CFAP61: variants seen among roughly 807,000 people sequenced by gnomAD.
CFAP61 encodes cilia and flagella associated protein 61, also known as cilia- and flagella-associated protein 61.
Under a neutral mutation model 135.6 loss-of-function variants are expected in CFAP61, and 107 were observed. The ratio of observed to expected loss-of-function variants is 0.79; its 90% CI spans 0.67 to 0.93. The LOEUF (loss-of-function observed/expected upper bound fraction) is 0.93, where lower values mean the gene tolerates loss of function less well. Among genes scored for constraint, CFAP61 ranks in the 40% least tolerant of loss-of-function variants. CFAP61 has a pLI of 0.00. For synonymous variants in CFAP61, 575 were observed against 578.5 expected (o/e 0.99, Z 0.09); for missense variants, 1,507 against 1,556.2 (o/e 0.97, Z 0.53).
chr20:20,063,133 T>C (rs908565100), intron 2 of CFAP61, among the ~76,000 whole-genome samples: 11 of 152,234 alleles, frequency 7.2e-5, no homozygotes, highest in Non-Finnish European at 2.9e-5. Flanking sequence ...ACAAGTGCCT[T>C]TATAAGCAGT....
intron 13 of CFAP61, chr20:20,172,069 T>C (rs1481509665): frequency 4.5e-6 from 2 of 443,932 alleles, no homozygotes; most frequent in Non-Finnish European, 6.9e-6. Context: ...GATATGTTGC[T>C]GGTAGGTTGG....
intron 22 of CFAP61, among the ~76,000 whole-genome samples, chr20:20,287,455 G>A (rs1395145723): frequency 2.6e-5 from 4 of 152,276 alleles, no homozygotes; most frequent in Admixed American, 2.0e-4. Flanking sequence ...CTGAGGAACC[G>A]AATTTTTCAT....
At chr20:20,225,299 T>A (rs2048662565) in intron 17 of CFAP61, 1 of 152,310 alleles carries the variant, frequency 6.6e-6, no homozygotes, top group African/African-American at 2.4e-5. Flanking sequence ...GTCAGAAGAC[T>A]TCATCATACC....
intron 25 of CFAP61, among the ~76,000 whole-genome samples, chr20:20,305,423 T>C (rs2056411984): frequency 6.6e-6 from 1 of 152,258 alleles, no homozygotes; most frequent in South Asian, 2.1e-4. Context: ...AGCCTTTTGC[T>C]GTGTTCAGTG....
intron 2 of CFAP61, among the ~76,000 whole-genome samples, chr20:20,070,131 C>G (rs1488928279): frequency 6.6e-6 from 1 of 152,192 alleles, no homozygotes; most frequent in Non-Finnish European, 1.5e-5. Context: ...AAGATAGTCC[C>G]TCTGAGACAA....
chr20:20,325,843 A>C (rs116769426), intron 25 of CFAP61, among the ~76,000 whole-genome samples: 1,866 of 152,288 alleles, frequency 0.012, 49 homozygotes, highest in African/African-American at 0.043. Context: ...AATGAATGAG[A>C]GCTCCTGTTG....
At chr20:20,351,849 A>T (rs1432603035) in intron 26 of CFAP61, among the ~76,000 whole-genome samples, 2 of 152,198 alleles carry the variant, frequency 1.3e-5, no homozygotes, top group Non-Finnish European at 2.9e-5. Context: ...TGCAATTCCT[A>T]TCAAAATGCC....
chr20:20,360,288 C>T lies in CFAP61; in HGVS notation c.3592C>T (p.Gln1198Ter). ...EEINPTEKPR[Q>*]YLKRVFEESI... ...AATCAACCCGACTGAGAAGCCCAGG[C>T]AATACCTCAAAAGAGTTTTTGAGGA... Residue 1198 changes from glutamine to a stop codon, truncating the protein, a stop_gained, in exon 27 of 27, where the codon CAA becomes TAA. Coordinates refer to ENST00000245957, the MANE Select transcript of CFAP61 (RefSeq NM_015585.4). LOFTEE classifies it high-confidence loss of function. 6.2e-7 allele frequency: 1 copy of T among 1,613,844 alleles called. No homozygotes were observed. The highest frequency in any genetic ancestry group is 8.5e-7 in the Non-Finnish European group (1 of 1,179,932).
intron 8 of CFAP61, among the ~76,000 whole-genome samples, chr20:20,111,211 C>T (rs528421643): frequency 1.3e-5 from 2 of 152,192 alleles, no homozygotes; most frequent in African/African-American, 4.8e-5. Flanking sequence ...TATATGAATA[C>T]TTCAAAAATG....
At chr20:20,156,933 A>C (rs1333202772) in intron 9 of CFAP61, among the ~76,000 whole-genome samples, 1 of 152,202 alleles carries the variant, frequency 6.6e-6, no homozygotes, top group Non-Finnish European at 1.5e-5. Flanking sequence ...GTAAAATCCC[A>C]ATCACATTTT....
intron 17 of CFAP61, among the ~76,000 whole-genome samples, chr20:20,226,991 C>T (rs778338824): frequency 9.8e-5 from 15 of 152,328 alleles, no homozygotes; most frequent in Non-Finnish European, 4.4e-5. Flanking sequence ...TTTTAAATTT[C>T]TATCAATATA....
chr20:20,072,555 G>T (rs918067133), intron 3 of CFAP61, among the ~76,000 whole-genome samples: 1 of 152,098 alleles, frequency 6.6e-6, no homozygotes, highest in East Asian at 1.9e-4. Flanking sequence ...TCTGATAGAT[G>T]TTTATTTTAT....
At chr20:20,196,082 C>T (rs1018422935) in intron 15 of CFAP61, among the ~76,000 whole-genome samples, 1 of 152,160 alleles carries the variant, frequency 6.6e-6, no homozygotes, top group Non-Finnish European at 1.5e-5. Context: ...CTGTCTCAAA[C>T]TAAACAAAAC....
At chr20:20,077,654 A>G (rs755686138) in intron 6 of CFAP61, among the ~76,000 whole-genome samples, 14 of 152,226 alleles carry the variant, frequency 9.2e-5, no homozygotes, top group Non-Finnish European at 1.5e-4. Flanking sequence ...TAAATGTAAG[A>G]TGTGCATTGG....
chr20:20,336,999 T>C (rs1485638310), intron 25 of CFAP61, among the ~76,000 whole-genome samples: 2 of 152,222 alleles, frequency 1.3e-5, no homozygotes, highest in African/African-American at 4.8e-5. Context: ...CCATATTCGA[T>C]TCATGGCAAA....
chr20:20,111,891 GT>G (rs1458221196), intron 8 of CFAP61, among the ~76,000 whole-genome samples: 1 of 152,030 alleles, frequency 6.6e-6, no homozygotes, highest in Non-Finnish European at 1.5e-5. Context: ...AAGGTTAGTA[GT>G]TTTTTATGAA....
rs1388565782 is a variant in CFAP61 at position 20,136,054 on chromosome 20, G to A, written c.860-6803G>A. ...TTCTTCAGCACTTTAAATATGTTAT[G>A]CCACTCTTTCCTGGCCTGCAAGGTA... On this transcript the variant is annotated intron_variant, in intron 8 of 26. Transcript: ENST00000245957. Among the ~76,000 whole-genome samples the A allele has an allele frequency of 1.1e-4, 16 of 152,136 alleles. No individual in the cohort carries two copies. In the South Asian group the frequency reaches 3.1e-3, roughly 30 times the overall value.
At chr20:20,101,795 T>A (rs6046624) in intron 8 of CFAP61, among the ~76,000 whole-genome samples, 61,722 of 151,636 alleles carry the variant, frequency 0.41, 13,162 homozygotes, top group South Asian at 0.54. Flanking sequence ...CCAGCTAATT[T>A]TTTTTGTATT....
rs367648721 is a variant in CFAP61, at chr20:20,191,395, T to C, written c.1566T>C (p.Gly522=). The C allele has an allele frequency of 1.2e-6, 2 of 1,611,798 alleles. No individual in the cohort carries two copies. Among genetic ancestry groups the C allele is most frequent in the African/African-American group, 2.7e-5 (2 of 74,922 alleles). ...FVAEVAEQIV[G]IAVIRNEMDI... ...CTGAAGTTGCAGAACAAATAGTTGGTATTGCAGTGATCAGAAATGAAATGG... is the reference window on the plus strand; with the variant it reads ...CTGAAGTTGCAGAACAAATAGTTGGCATTGCAGTGATCAGAAATGAAATGG... Residue 522 remains glycine, a synonymous_variant, in exon 15 of 27, where the codon GGT becomes GGC. Transcript: ENST00000245957.
Sources: gnomAD v4.1 joint callset for allele counts (sites outside exome capture counted in the v4.1 genomes callset) on GRCh38, gnomAD v4.1.1 for gene constraint, MANE v1.5 for transcripts, NCBI Gene and HGNC (gene_info 2026-07-23, HGNC 2026-07-21) for gene names.